GRIK4: variants seen among roughly 807,000 people sequenced by gnomAD.
GRIK4 encodes glutamate ionotropic receptor kainate type subunit 4.
GRIK4 carries 40 observed loss-of-function variants against 104.9 expected under a neutral mutation model. That is an observed-to-expected ratio of 0.38 (90% CI 0.30 to 0.50). The LOEUF is 0.50. Among genes scored for constraint, GRIK4 ranks in the 20% least tolerant of loss-of-function variants. GRIK4 has a pLI of 0.93. For missense variants in GRIK4, 1,047 were observed against 1,308.1 expected, an observed-to-expected ratio of 0.80 and a Z score of 3.08; for synonymous variants, 485 against 524.9, an observed-to-expected ratio of 0.92 and a Z score of 1.04.
chr11:120,644,720 C>T lies in GRIK4; in HGVS notation c.-158-8965C>T, dbSNP rs553222492. Reference sequence around the variant, plus strand: ...AACCTTCCAGTAGAAGGGGAGAAGGCGAAGGGGTTGCCCTTCCTTGCCTGC... The same window carrying T: ...AACCTTCCAGTAGAAGGGGAGAAGGTGAAGGGGTTGCCCTTCCTTGCCTGC... On this transcript the variant is annotated intron_variant, in intron 1 of 20. Transcript: ENST00000527524. Among the ~76,000 whole-genome samples, 17 of 152,230 alleles carry T rather than the reference C, an allele frequency of 1.1e-4. No individual in the cohort carries two copies. The East Asian group carries it at 3.1e-3, about 28-fold the overall frequency.
In GRIK4 at chr11:120,815,486, G is replaced by C; in HGVS notation, c.345+11G>C. ...TGTGGAGAGAAGGAGGTGAGTGTGA[G>C]GCAGGGCTGGGGAATATCTGTGTGC... On this transcript the variant is annotated intron_variant, in intron 5 of 20. Transcript: ENST00000527524. 1 of 1,467,028 alleles carries C rather than the reference G, an allele frequency of 6.8e-7. No individual in the cohort carries two copies. 90.9% of individuals were successfully genotyped at this position (1,467,028 alleles called of 1,614,324 possible). A position where few individuals can be genotyped will look rare whatever the true frequency, so the allele number is the denominator to read the frequency against.
intron 8 of GRIK4, among the ~76,000 whole-genome samples, chr11:120,853,400 G>A (rs1454679344): frequency 6.6e-6 from 1 of 152,184 alleles, no homozygotes; most frequent in Non-Finnish European, 1.5e-5. Context: ...AAGACTAAAG[G>A]AGGAGAAACC....
intron 3 of GRIK4, among the ~76,000 whole-genome samples, chr11:120,792,489 T>C (rs908198807): frequency 6.6e-6 from 1 of 151,910 alleles, no homozygotes; most frequent in Non-Finnish European, 1.5e-5. Flanking sequence ...TGGTGGTGGT[T>C]GTGCCAGCCT....
Position 120,875,132 on chromosome 11 carries a change from TGGA to T in GRIK4, c.1060-6_1060-4del. 6.3e-7 allele frequency: 1 copy of T among 1,578,522 alleles called. No homozygotes were observed. The highest frequency in any genetic ancestry group is 1.1e-5 in the South Asian group (1 of 90,224). On this transcript the variant is annotated splice_polypyrimidine_tract_variant and splice_region_variant and intron_variant, in intron 10 of 20. Coordinates refer to ENST00000527524, the MANE Select transcript of GRIK4 (RefSeq NM_014619.5). Reference sequence around the variant, plus strand: ...TTTGGTGCTGTAACTCACTCTCTCTTGGACAGGTAGAATTGGAAGGTCTTACCG... The same window carrying T: ...TTTGGTGCTGTAACTCACTCTCTCTTCAGGTAGAATTGGAAGGTCTTACCG...
Position 120,811,912 on chromosome 11 carries a change from G to A in GRIK4, c.248-3466G>A, listed in dbSNP as rs144921519. ...GGTTCAGCAACTGTTTATAGGCCAC[G>A]TAACTCTGAGTCAGGCCTTGTTCTA... On this transcript the variant is annotated intron_variant, in intron 4 of 20. Coordinates refer to ENST00000527524, the MANE Select transcript of GRIK4 (RefSeq NM_014619.5). Among the ~76,000 whole-genome samples the A allele has an allele frequency of 1.1e-3, 163 of 152,262 alleles. 1 individual carries two copies. Among genetic ancestry groups the A allele is most frequent in the African/African-American group, 3.8e-3 (157 of 41,550 alleles).
chr11:120,569,998 A>G (rs1948377003), intron 1 of GRIK4, among the ~76,000 whole-genome samples: 1 of 152,228 alleles, frequency 6.6e-6, no homozygotes, highest in Non-Finnish European at 1.5e-5. Context: ...ACCCATTTCC[A>G]TAGCAAAGGA....
chr11:120,741,271 C>CTTTCTTTTT (rs1951326625), intron 3 of GRIK4, among the ~76,000 whole-genome samples: 1 of 137,778 alleles, frequency 7.3e-6, no homozygotes, highest in Non-Finnish European at 1.6e-5. Flanking sequence ...AGGCCGTGTG[C>CTTTCTTTTT]TTTCTTTTTT....
rs921395372 is a variant in GRIK4, at chr11:120,943,691, C to T, written c.1590+3231C>T. 3.9e-5 allele frequency among the ~76,000 whole-genome samples: 6 copies of T among 152,136 alleles called. No homozygotes were observed. The East Asian group carries it at 5.8e-4, about 15-fold the overall frequency. Reference sequence around the variant, plus strand: ...AATCACATTTATGATCTATAAGGATCGAGAATGTCTATGTTAGTTCTATGT... The same window carrying T: ...AATCACATTTATGATCTATAAGGATTGAGAATGTCTATGTTAGTTCTATGT... On this transcript the variant is annotated intron_variant, in intron 14 of 20. Coordinates refer to ENST00000527524, the MANE Select transcript of GRIK4 (RefSeq NM_014619.5).
At chr11:120,963,190 G>T (rs956581381) in intron 18 of GRIK4, among the ~76,000 whole-genome samples, 6 of 152,210 alleles carry the variant, frequency 3.9e-5, no homozygotes, top group Non-Finnish European at 7.3e-5. Flanking sequence ...ATTATTTGTG[G>T]ATTTCACTGA....
chr11:120,585,319 C>T (rs1474851054), intron 1 of GRIK4, among the ~76,000 whole-genome samples: 2 of 151,286 alleles, frequency 1.3e-5, no homozygotes, highest in East Asian at 3.9e-4. Context: ...GAGTTCTTTT[C>T]ATTCTCTCTC....
At chr11:120,636,903 T>C (rs1344944721) in intron 1 of GRIK4, among the ~76,000 whole-genome samples, 2 of 152,076 alleles carry the variant, frequency 1.3e-5, no homozygotes, top group Non-Finnish European at 2.9e-5. Context: ...TGGGTCCTGA[T>C]GTCCCTGAGA....
chr11:120,660,463 T>TGG, intron 3 of GRIK4, 63 bp downstream of exon 3: 2 of 1,256,190 alleles, frequency 1.6e-6, no homozygotes, highest in Non-Finnish European at 2.3e-6. Context: ...ACAAGGGACA[T>TGG]GAGAGTGCTG....
intron 20 of GRIK4, among the ~76,000 whole-genome samples, chr11:120,982,799 C>G (rs1247249265): frequency 3.3e-5 from 5 of 152,166 alleles, no homozygotes; most frequent in African/African-American, 1.2e-4. Context: ...TCTGAATCTT[C>G]CTAAAAACCT....
chr11:120,772,050 A>G (rs553609104), intron 3 of GRIK4, among the ~76,000 whole-genome samples: 1 of 152,338 alleles, frequency 6.6e-6, no homozygotes, highest in Admixed American at 6.5e-5. Context: ...AAAAGCCAAA[A>G]GGACAGGACT....
At chr11:120,930,002 T>TCG (rs369346546) in intron 13 of GRIK4, among the ~76,000 whole-genome samples, 1 of 150,282 alleles carries the variant, frequency 6.7e-6, no homozygotes, top group Non-Finnish European at 1.5e-5. Flanking sequence ...AGGCCACGTT[T>TCG]GGGGGGGGGG....
intron 1 of GRIK4, among the ~76,000 whole-genome samples, chr11:120,617,766 A>G (rs1195340743): frequency 2.0e-5 from 3 of 152,026 alleles, no homozygotes; most frequent in Non-Finnish European, 4.4e-5. Context: ...TTTGGCCATG[A>G]TTGTAAGTTT....
chr11:120,687,598 T>C (rs947698883), intron 3 of GRIK4, among the ~76,000 whole-genome samples: 1 of 152,198 alleles, frequency 6.6e-6, no homozygotes, highest in Admixed American at 6.5e-5. Flanking sequence ...GCCTAATAAC[T>C]TTTTTATTGA....
intron 7 of GRIK4, among the ~76,000 whole-genome samples, chr11:120,835,382 G>A (rs1027591432): frequency 3.0e-4 from 46 of 152,184 alleles, no homozygotes; most frequent in Non-Finnish European, 4.7e-4. Flanking sequence ...ACAAAAATTA[G>A]CCAGGTGTGG....
At chr11:120,609,432 C>CCCCCTTT (rs1949003869) in intron 1 of GRIK4, among the ~76,000 whole-genome samples, 1 of 150,930 alleles carries the variant, frequency 6.6e-6, no homozygotes, top group Non-Finnish European at 1.5e-5. Context: ...GAGACATTTT[C>CCCCCTTT]CCCCTTTCCC....
Sources: gnomAD v4.1 joint callset for allele counts (sites outside exome capture counted in the v4.1 genomes callset) on GRCh38, gnomAD v4.1.1 for gene constraint, MANE v1.5 for transcripts, NCBI Gene and HGNC (gene_info 2026-07-23, HGNC 2026-07-21) for gene names.